Variants in PCDH15 observed in about 807,000 individuals in gnomAD.
PCDH15 encodes the protein protocadherin-15.
Under a neutral mutation model 178.5 loss-of-function variants are expected in PCDH15, and 129 were observed. The ratio of observed to expected loss-of-function variants is 0.72; its 90% CI spans 0.63 to 0.84. The LOEUF is 0.84. Ranked by LOEUF, PCDH15 falls within the 40% of genes least tolerant of loss-of-function variation. The pLI is 0.00. For missense variants in PCDH15, 2,230 were observed against 2,099.9 expected (o/e 1.06, Z -1.21); for synonymous variants, 800 against 732.0 (o/e 1.09, Z -1.50).
chr10:54,631,971 C>A (rs935371976), intron 2 of PCDH15, among the ~76,000 whole-genome samples: 2 of 152,038 alleles, frequency 1.3e-5, no homozygotes, highest in African/African-American at 4.8e-5. Context: ...AAAAGGATTA[C>A]AATTCAAAAT....
intron 2 of PCDH15, among the ~76,000 whole-genome samples, chr10:54,577,877 A>T (rs1412223812): frequency 1.3e-5 from 2 of 150,308 alleles, no homozygotes; most frequent in African/African-American, 4.9e-5. Flanking sequence ...TAAATAAATA[A>T]ATAAATAAAT....
At chr10:54,101,204 G>A (rs2136155565) in intron 15 of PCDH15, among the ~76,000 whole-genome samples, 2 of 152,286 alleles carry the variant, frequency 1.3e-5, no homozygotes, top group South Asian at 4.1e-4. Flanking sequence ...GCCGCCATGT[G>A]AGACATGCCT....
chr10:55,158,897 AG>A (rs1435628467), intron 2 of PCDH15, among the ~76,000 whole-genome samples: 9 of 151,260 alleles, frequency 6.0e-5, no homozygotes, highest in Non-Finnish European at 8.9e-5. Context: ...AGAGAGAGAG[AG>A]AAAAAACAAG....
chr10:55,437,007 T>A (rs1322845947), intron 2 of PCDH15, among the ~76,000 whole-genome samples: 1 of 152,116 alleles, frequency 6.6e-6, no homozygotes, highest in Non-Finnish European at 1.5e-5. Context: ...CTCAGAAGAG[T>A]CATTTTGTTC....
chr10:54,014,043 C>T lies in PCDH15; in HGVS notation c.2751+6149G>A, dbSNP rs149888058. On this transcript the variant is annotated intron_variant, in intron 20 of 37. Coordinates refer to ENST00000644397, the MANE Select transcript of PCDH15 (RefSeq NM_001384140.1). ...CAAATAAGAAAAAAAAAGAGAAGATCCAACTAAACACAATCAGAAATGACT... is the reference window on the plus strand; with the variant it reads ...CAAATAAGAAAAAAAAAGAGAAGATTCAACTAAACACAATCAGAAATGACT... 5.9e-3 allele frequency among the ~76,000 whole-genome samples: 892 copies of T among 151,500 alleles called. 5 individuals carry two copies. The highest frequency in any genetic ancestry group is 0.02 in the African/African-American group (825 of 41,376).
intron 2 of PCDH15, among the ~76,000 whole-genome samples, chr10:55,058,928 G>C (rs1374567386): frequency 1.3e-5 from 2 of 152,118 alleles, no homozygotes; most frequent in Non-Finnish European, 2.9e-5. Context: ...TTGTCTATGA[G>C]AACATTTCAG....
At chr10:55,392,979 ATG>A (rs10546546) in intron 2 of PCDH15, among the ~76,000 whole-genome samples, 59,753 of 143,816 alleles carry the variant, frequency 0.42, 12,150 homozygotes, top group Non-Finnish European at 0.45. Flanking sequence ...ACTAAAGTGT[ATG>A]TGTGTGTGTG....
chr10:54,778,423 T>A (rs76213302), intron 1 of PCDH15, among the ~76,000 whole-genome samples: 2,284 of 152,216 alleles, frequency 0.015, 52 homozygotes, highest in African/African-American at 0.05. Flanking sequence ...AGCTATTGTT[T>A]CTCTGAATAA....
At chr10:54,777,682 C>T (rs372762385) in intron 1 of PCDH15, among the ~76,000 whole-genome samples, 68 of 152,024 alleles carry the variant, frequency 4.5e-4, no homozygotes, top group African/African-American at 1.3e-3. Context: ...CTGTACATTT[C>T]CATATAAACT....
At chr10:54,831,486 T>C (rs1169649377) in intron 3 of PCDH15, among the ~76,000 whole-genome samples, 2 of 152,136 alleles carry the variant, frequency 1.3e-5, no homozygotes, top group Admixed American at 6.6e-5. Flanking sequence ...TGCTAACTTA[T>C]AATAATACAT....
At chr10:55,529,755 A>ATATATG (rs1841403421) in intron 2 of PCDH15, among the ~76,000 whole-genome samples, 1 of 130,036 alleles carries the variant, frequency 7.7e-6, no homozygotes, top group African/African-American at 2.9e-5. Flanking sequence ...ATATATATAT[A>ATATATG]TATATATATA....
intron 1 of PCDH15, among the ~76,000 whole-genome samples, chr10:54,781,470 CTGTG>C (rs1950354344): frequency 6.6e-6 from 1 of 152,194 alleles, no homozygotes; most frequent in East Asian, 1.9e-4. Flanking sequence ...ATATTAATGC[CTGTG>C]TATCAAAGTA....
chr10:54,836,864 T>G (rs1953326147), intron 3 of PCDH15, among the ~76,000 whole-genome samples: 5 of 151,860 alleles, frequency 3.3e-5, no homozygotes, highest in African/African-American at 1.2e-4. Context: ...TCAAAGTGAG[T>G]GCAAAACAGA....
intron 2 of PCDH15, among the ~76,000 whole-genome samples, chr10:55,494,904 T>G (rs562642734): frequency 6.6e-6 from 1 of 151,994 alleles, no homozygotes; most frequent in Non-Finnish European, 1.5e-5. Context: ...AACAAAGTGA[T>G]GTACTGTCAT....
intron 1 of PCDH15, among the ~76,000 whole-genome samples, chr10:55,291,801 T>C (rs1217088314): frequency 6.6e-6 from 1 of 152,034 alleles, no homozygotes; most frequent in East Asian, 1.9e-4. Context: ...GCTGGGGAAG[T>C]CTCATGATCA....
At chr10:54,556,624 G>T (rs544020031) in intron 2 of PCDH15, among the ~76,000 whole-genome samples, 50 of 140,244 alleles carry the variant, frequency 3.6e-4, no homozygotes, top group Non-Finnish European at 6.3e-4. Context: ...TATTTTAAGA[G>T]ACTTTTTTTT....
intron 15 of PCDH15, among the ~76,000 whole-genome samples, chr10:54,096,240 T>C (rs899118213): frequency 2.6e-5 from 4 of 151,876 alleles, no homozygotes; most frequent in African/African-American, 9.7e-5. Flanking sequence ...ACCAAGTTCT[T>C]CTTAAGAACC....
At chr10:55,294,173 A>C (rs1041776349) in intron 1 of PCDH15, among the ~76,000 whole-genome samples, 1 of 152,126 alleles carries the variant, frequency 6.6e-6, no homozygotes, top group Admixed American at 6.6e-5. Context: ...AAACCACCAG[A>C]TATCATGATA....
chr10:55,316,460 T>G, intron 1 of PCDH15, among the ~76,000 whole-genome samples: 1 of 152,174 alleles, frequency 6.6e-6, no homozygotes, highest in East Asian at 1.9e-4. Context: ...TGAAAAAGTA[T>G]ATTGAATTTT....
Sources: gnomAD v4.1 joint callset for allele counts (sites outside exome capture counted in the v4.1 genomes callset) on GRCh38, gnomAD v4.1.1 for gene constraint, MANE v1.5 for transcripts, NCBI Gene and HGNC (gene_info 2026-07-23, HGNC 2026-07-21) for gene names.